MARCHF6: variants seen among roughly 807,000 people sequenced by gnomAD.
The protein encoded by MARCHF6 is membrane associated ring-CH-type finger 6, also known as E3 ubiquitin-protein ligase MARCHF6.
Under a neutral mutation model 133.7 loss-of-function variants are expected in MARCHF6, and 31 were observed. That is an observed-to-expected ratio of 0.23 (90% confidence interval 0.17 to 0.31). The LOEUF is 0.31. Among genes scored for constraint, MARCHF6 ranks in the 10% least tolerant of loss-of-function variants. The pLI, the probability that MARCHF6 is intolerant of heterozygous loss-of-function variation, is 1.00. For synonymous variants in MARCHF6, 395 were observed against 402.5 expected, an observed-to-expected ratio of 0.98 and a Z score of 0.22; for missense variants, 723 against 1,121.6, an observed-to-expected ratio of 0.64 and a Z score of 5.08.
At chr5:10,391,254 C>T (rs1561121694) in intron 6 of MARCHF6, among the ~76,000 whole-genome samples, 1 of 152,012 alleles carries the variant, frequency 6.6e-6, no homozygotes, top group Non-Finnish European at 1.5e-5. Context: ...CTTCCTCAGC[C>T]TCCTGAGTAG....
rs192627081 is a variant in MARCHF6, at chr5:10,365,360, G to A, written c.19+11443G>A. 1.3e-3 allele frequency among the ~76,000 whole-genome samples: 194 copies of A among 151,936 alleles called. 1 individual carries two copies. The highest frequency in any genetic ancestry group is 2.1e-3 in the Non-Finnish European group (145 of 67,958). On this transcript the variant is annotated intron_variant, in intron 1 of 25. Transcript: ENST00000274140. ...TTGTTGCCCAGGCTGGAGTACAATG[G>A]CACGATCTTGGCTCACCGCAACCTC...
At chr5:10,356,410 T>TTATTTTATTG in intron 1 of MARCHF6, among the ~76,000 whole-genome samples, 2 of 149,808 alleles carry the variant, frequency 1.3e-5, no homozygotes, top group African/African-American at 4.9e-5. Context: ...TTATTTTATT[T>TTATTTTATTG]TCCGAGATGG....
At chr5:10,374,347 C>T (rs555082153) in intron 1 of MARCHF6, among the ~76,000 whole-genome samples, 8 of 152,276 alleles carry the variant, frequency 5.3e-5, no homozygotes, top group African/African-American at 1.7e-4. Flanking sequence ...TGGATCTTAA[C>T]GTGCTGCCGG....
intron 21 of MARCHF6, among the ~76,000 whole-genome samples, chr5:10,415,992 G>A (rs145227846): frequency 1.5e-3 from 225 of 152,216 alleles, no homozygotes; most frequent in African/African-American, 5.2e-3. Flanking sequence ...GGGCAACAAA[G>A]CAAGACCCCA....
At chr5:10,408,719 T>G (rs1448653169) in intron 17 of MARCHF6, among the ~76,000 whole-genome samples, 1 of 152,058 alleles carries the variant, frequency 6.6e-6, no homozygotes, top group Non-Finnish European at 1.5e-5. Flanking sequence ...TTGTATTTTT[T>G]GGGGAGACCG....
At chr5:10,381,686 A>G (rs775049993) in intron 3 of MARCHF6, 114 bp from the exon 4 acceptor site, 4 of 805,570 alleles carry the variant, frequency 5.0e-6, no homozygotes, top group Non-Finnish European at 7.5e-6. Flanking sequence ...TAAATAGGAA[A>G]AAAATTAAGC....
chr5:10,381,434 C>G (rs530846887), intron 3 of MARCHF6, among the ~76,000 whole-genome samples: 4 of 152,242 alleles, frequency 2.6e-5, no homozygotes, highest in Non-Finnish European at 5.9e-5. Context: ...TCTTTTGCTC[C>G]TGTTTGCTTT....
intron 17 of MARCHF6, among the ~76,000 whole-genome samples, chr5:10,407,807 T>G (rs540845273): frequency 1.3e-5 from 2 of 152,038 alleles, no homozygotes; most frequent in South Asian, 2.1e-4. Flanking sequence ...TACAAAAAAA[T>G]TAGCCATGCG....
chr5:10,407,085 CCT>C lies in MARCHF6; in HGVS notation c.1453-16_1453-15del, dbSNP rs1738945277. 1 of 1,463,532 alleles carries C rather than the reference CCT, an allele frequency of 6.8e-7. No individual in the cohort carries two copies. The highest frequency in any genetic ancestry group is 9.6e-7 in the Non-Finnish European group (1 of 1,044,920). 90.7% of individuals were successfully genotyped at this position (1,463,532 alleles called of 1,614,324 possible). A position where few individuals can be genotyped will look rare whatever the true frequency, so the allele number is the denominator to read the frequency against. ...ATTGACTCTTATAGTGGTGTCATACCCTGTTTCCTTCTGCAGATTGTCTTTGG... is the reference window on the plus strand; with the variant it reads ...ATTGACTCTTATAGTGGTGTCATACCGTTTCCTTCTGCAGATTGTCTTTGG... On this transcript the variant is annotated splice_polypyrimidine_tract_variant and intron_variant, in intron 16 of 25. Transcript: ENST00000274140.
intron 22 of MARCHF6, among the ~76,000 whole-genome samples, chr5:10,418,094 C>A (rs140172764): frequency 0.01 from 1,531 of 152,190 alleles, 11 homozygotes; most frequent in Middle Eastern, 0.058. Context: ...AAAAGAGTAT[C>A]CTGGCTGGGT....
intron 3 of MARCHF6, among the ~76,000 whole-genome samples, chr5:10,379,651 C>T (rs1173978495): frequency 6.6e-6 from 1 of 151,992 alleles, no homozygotes; most frequent in Non-Finnish European, 1.5e-5. Flanking sequence ...TTAGTAGAGA[C>T]GGGGTTTCAC....
intron 19 of MARCHF6, 80 bp downstream of exon 19, chr5:10,411,617 C>G (rs534640582): frequency 8.9e-7 from 1 of 1,128,744 alleles, no homozygotes; most frequent in South Asian, 1.6e-5. Flanking sequence ...AGAATTGGTG[C>G]TATTAGTATG....
rs1214316394 is a variant in MARCHF6, at chr5:10,439,481, C to A, written c.*5797C>A. 1.3e-5 allele frequency: 2 copies of A among 152,084 alleles called. No individual in the cohort carries two copies. The highest frequency in any genetic ancestry group is 2.9e-5 in the Non-Finnish European group (2 of 68,024). 9.4% of individuals were successfully genotyped at this position (152,084 alleles called of 1,614,324 possible). A position where few individuals can be genotyped will look rare whatever the true frequency, so the allele number is the denominator to read the frequency against. Reference sequence around the variant, plus strand: ...ATTGAGAACTTCTCTTTGAAAGGTACCATAAGGAGAACAAAAAGACAAGCT... The same window carrying A: ...ATTGAGAACTTCTCTTTGAAAGGTAACATAAGGAGAACAAAAAGACAAGCT... On this transcript the variant is annotated 3_prime_UTR_variant, in exon 26 of 26. Transcript: ENST00000274140.
Position 10,353,845 on chromosome 5 carries a change from C to T in MARCHF6, c.-54C>T, listed in dbSNP as rs1579503267. ...CCTCCTCCTCTCCCCTCCCTCTTTC[C>T]CCGCCCGGCCGCGGGAGCCTCGTGG... On this transcript the variant is annotated 5_prime_UTR_variant, in exon 1 of 26. Coordinates refer to ENST00000274140, the MANE Select transcript of MARCHF6 (RefSeq NM_005885.4). The T allele has an allele frequency of 1.7e-5, 26 of 1,533,374 alleles. 1 individual carries two copies. The East Asian group carries it at 6.2e-4, about 37-fold the overall frequency. The allele number at this position is 1,533,374 out of a possible 1,614,324, so 95.0% of individuals were successfully genotyped here.
At chr5:10,377,924 G>A (rs1196848322) in intron 2 of MARCHF6, 30 bp downstream of exon 2, 3 of 1,370,370 alleles carry the variant, frequency 2.2e-6, no homozygotes, top group South Asian at 2.3e-5. Context: ...AGTTATGTAA[G>A]TCTGAGCTTC....
At chr5:10,423,858 T>A (rs1429939872) in intron 23 of MARCHF6, 34 bp downstream of exon 23, 1 of 1,483,248 alleles carries the variant, frequency 6.7e-7, no homozygotes, top group African/African-American at 1.4e-5. Context: ...AAAGACATTC[T>A]GGAATTGGTT....
chr5:10,353,945 C>A (rs747773856), intron 1 of MARCHF6, 28 bp downstream of exon 1: 3 of 1,540,540 alleles, frequency 1.9e-6, no homozygotes, highest in Admixed American at 3.9e-5. Context: ...GGCGCCCGAG[C>A]CCTTGCGTCG....
At position 10,383,044 on chromosome 5, in the gene MARCHF6, TA is replaced by T. The variant is rs1453724073; in HGVS notation, c.334+1102del. ...GGCAGAGTATATAGATAAGATTCAT[TA>T]GAGTTAAACTAAATGTTTAATTAGT... On this transcript the variant is annotated intron_variant, in intron 4 of 25. Coordinates refer to ENST00000274140, the MANE Select transcript of MARCHF6 (RefSeq NM_005885.4). 3.3e-5 allele frequency among the ~76,000 whole-genome samples: 5 copies of T among 152,238 alleles called. No homozygotes were observed. The East Asian group carries it at 9.6e-4, about 29-fold the overall frequency.
chr5:10,412,249 TATTTTC>T (rs1245983638), intron 19 of MARCHF6, among the ~76,000 whole-genome samples: 1 of 152,242 alleles, frequency 6.6e-6, no homozygotes, highest in African/African-American at 2.4e-5. Flanking sequence ...CTATGATTGA[TATTTTC>T]AGTGTCTGTG....
Sources: gnomAD v4.1 joint callset for allele counts (sites outside exome capture counted in the v4.1 genomes callset) on GRCh38, gnomAD v4.1.1 for gene constraint, MANE v1.5 for transcripts, NCBI Gene and HGNC (gene_info 2026-07-23, HGNC 2026-07-21) for gene names.